NRXN3: variants seen among roughly 807,000 people sequenced by gnomAD.
The protein encoded by NRXN3 is neurexin III.
Under a neutral mutation model 137.6 loss-of-function variants are expected in NRXN3, and 32 were observed. That is an observed-to-expected ratio of 0.23 (90% CI 0.18 to 0.31). NRXN3 has a LOEUF of 0.31. Ranked by LOEUF, NRXN3 falls within the 10% of genes least tolerant of loss-of-function variation. The pLI is 1.00. For synonymous variants in NRXN3, 798 were observed against 784.5 expected (o/e 1.02, Z -0.29); for missense variants, 1,574 against 2,062.5 (o/e 0.76, Z 4.59).
intron 16 of NRXN3, among the ~76,000 whole-genome samples, chr14:79,516,053 T>C (rs1332198086): frequency 1.3e-5 from 2 of 152,182 alleles, no homozygotes; most frequent in South Asian, 2.1e-4. Flanking sequence ...GAGAGACTTA[T>C]TTGAATTTAC....
chr14:79,316,036 G>A (rs1244952575), intron 15 of NRXN3, among the ~76,000 whole-genome samples: 1 of 152,190 alleles, frequency 6.6e-6, no homozygotes, highest in Non-Finnish European at 1.5e-5. Flanking sequence ...TTTGTAAGGT[G>A]TAAATCGCTA....
intron 10 of NRXN3, among the ~76,000 whole-genome samples, chr14:78,925,355 A>AC (rs1445008673): frequency 8.5e-5 from 13 of 152,194 alleles, no homozygotes; most frequent in African/African-American, 3.1e-4. Flanking sequence ...TTGTATGAAC[A>AC]CTGATATACG....
At position 79,763,786 on chromosome 14, in the gene NRXN3, A is replaced by C. The variant is rs2099046984; in HGVS notation, c.4015-41326A>C. Among the ~76,000 whole-genome samples, 2 of 151,366 alleles carry C rather than the reference A, an allele frequency of 1.3e-5. 1 individual carries two copies. Among genetic ancestry groups the C allele is most frequent in the African/African-American group, 4.9e-5 (2 of 40,726 alleles). ...ATGAGGTCTCTGCCATCATGACCTA[A>C]TCACTTCCCCAAAACTCCACCTCCT... is the stretch of plus-strand genomic sequence containing the variant. On this transcript the variant is annotated intron_variant, in intron 19 of 20. Coordinates refer to ENST00000335750, the MANE Select transcript of NRXN3 (RefSeq NM_001330195.2).
intron 4 of NRXN3, among the ~76,000 whole-genome samples, chr14:78,321,223 C>G (rs1322634589): frequency 6.6e-6 from 1 of 152,032 alleles, no homozygotes; most frequent in Non-Finnish European, 1.5e-5. Context: ...CCATCTTGAG[C>G]TCTTTCCAGT....
chr14:79,519,766 T>G (rs2153701122), intron 16 of NRXN3, among the ~76,000 whole-genome samples: 1 of 135,110 alleles, frequency 7.4e-6, no homozygotes, highest in South Asian at 2.5e-4. Flanking sequence ...ACAATAGTAT[T>G]TCTTTTTTTT....
chr14:79,110,669 A>C (rs996364635), intron 15 of NRXN3, among the ~76,000 whole-genome samples: 3 of 152,284 alleles, frequency 2.0e-5, no homozygotes, highest in Admixed American at 2.0e-4. Flanking sequence ...TCATTGTTCT[A>C]TAGTTATGTA....
At chr14:78,344,615 G>A (rs1226228463) in intron 4 of NRXN3, among the ~76,000 whole-genome samples, 2 of 152,180 alleles carry the variant, frequency 1.3e-5, no homozygotes, top group African/African-American at 4.8e-5. Context: ...GCTTTCGTTT[G>A]AGACTTCTTG....
chr14:79,359,713 G>T (rs191409555), intron 15 of NRXN3, among the ~76,000 whole-genome samples: 1 of 151,692 alleles, frequency 6.6e-6, no homozygotes, highest in Non-Finnish European at 1.5e-5. Context: ...TGGGATTACC[G>T]GTGTGTGCCA....
intron 10 of NRXN3, among the ~76,000 whole-genome samples, chr14:78,825,704 G>A (rs1004390704): frequency 2.0e-5 from 3 of 152,200 alleles, no homozygotes; most frequent in Non-Finnish European, 2.9e-5. Context: ...GAATTGCTTC[G>A]TTTGTAAAAT....
chr14:79,015,223 T>TG (rs113198325), intron 15 of NRXN3, among the ~76,000 whole-genome samples: 1 of 151,886 alleles, frequency 6.6e-6, no homozygotes, highest in Non-Finnish European at 1.5e-5. Context: ...CAGTGTTTGG[T>TG]GGGGGGTTTG....
At chr14:78,238,841 G>C (rs10145325) in intron 1 of NRXN3, among the ~76,000 whole-genome samples, 1 of 152,016 alleles carries the variant, frequency 6.6e-6, no homozygotes, top group Non-Finnish European at 1.5e-5. Flanking sequence ...AGGGACTGAA[G>C]GAATGGGGAG....
At chr14:79,512,983 T>C (rs764610475) in intron 16 of NRXN3, among the ~76,000 whole-genome samples, 1 of 152,218 alleles carries the variant, frequency 6.6e-6, no homozygotes, top group Non-Finnish European at 1.5e-5. Flanking sequence ...GGAAGAGGAA[T>C]GTTAATATGT....
chr14:79,532,913 T>C (rs1029868552), intron 16 of NRXN3, among the ~76,000 whole-genome samples: 1 of 152,176 alleles, frequency 6.6e-6, no homozygotes, highest in Non-Finnish European at 1.5e-5. Context: ...TAGGAGAAGA[T>C]TTCCTAGCAA....
intron 10 of NRXN3, among the ~76,000 whole-genome samples, chr14:78,925,349 A>G (rs1325946662): frequency 6.6e-6 from 1 of 152,204 alleles, no homozygotes; most frequent in African/African-American, 2.4e-5. Flanking sequence ...TTCTTCTTGT[A>G]TGAACACTGA....
At chr14:78,665,416 T>A (rs1279408339) in intron 6 of NRXN3, among the ~76,000 whole-genome samples, 1 of 152,062 alleles carries the variant, frequency 6.6e-6, no homozygotes, top group African/African-American at 2.4e-5. Context: ...AACCATCAGA[T>A]CTTGTGAGAA....
intron 10 of NRXN3, among the ~76,000 whole-genome samples, chr14:78,924,442 G>A (rs981262187): frequency 3.3e-5 from 5 of 152,216 alleles, no homozygotes; most frequent in African/African-American, 1.2e-4. Context: ...AGCTCCCACT[G>A]ACATAAAATA....
chr14:78,293,944 T>A (rs1229158342), intron 3 of NRXN3, among the ~76,000 whole-genome samples: 1 of 152,204 alleles, frequency 6.6e-6, no homozygotes, highest in Non-Finnish European at 1.5e-5. Context: ...TCCTTACCAA[T>A]GCACTTTATG....
intron 15 of NRXN3, among the ~76,000 whole-genome samples, chr14:79,043,504 C>T (rs1215807387): frequency 6.6e-6 from 1 of 152,166 alleles, no homozygotes; most frequent in African/African-American, 2.4e-5. Flanking sequence ...ACTGGAGGTC[C>T]TGAAATTGCA....
At chr14:79,639,947 G>GCCCTTCACAGAGTGGAGAT (rs1567748976) in intron 16 of NRXN3, among the ~76,000 whole-genome samples, 3 of 135,878 alleles carry the variant, frequency 2.2e-5, no homozygotes, top group Non-Finnish European at 3.4e-5. Context: ...CCCAAGAAGT[G>GCCCTTCACAGAGTGGAGAT]GTTTCAGTAT....
Sources: gnomAD v4.1 joint callset for allele counts (sites outside exome capture counted in the v4.1 genomes callset) on GRCh38, gnomAD v4.1.1 for gene constraint, MANE v1.5 for transcripts, NCBI Gene and HGNC (gene_info 2026-07-23, HGNC 2026-07-21) for gene names.